The following MAPK10 variants were observed in gnomAD, a reference collection of about 807,000 sequenced individuals.
MAPK10 encodes JNK3 alpha protein kinase.
In MAPK10, 25 loss-of-function variants were observed where a neutral mutation model predicts 59.3. The observed-to-expected ratio is 0.42, with a 90% CI of 0.31 to 0.59. MAPK10 has a LOEUF of 0.59. Ranked by LOEUF, MAPK10 falls within the 20% of genes least tolerant of loss-of-function variation. The pLI is 0.15. For missense variants in MAPK10, 351 were observed against 568.9 expected, an observed-to-expected ratio of 0.62 and a Z score of 3.90; for synonymous variants, 190 against 200.5, an observed-to-expected ratio of 0.95 and a Z score of 0.44.
At chr4:86,454,064 G>A (rs544572538), upstream of MAPK10, among the ~76,000 whole-genome samples, 6 of 152,184 alleles carry the variant, frequency 3.9e-5, no homozygotes, top group East Asian at 9.7e-4. Flanking sequence ...AGGAAAAGAG[G>A]GACAGTACTA....
At chr4:86,380,062 C>T (rs1477876499) in intron 1 of MAPK10, among the ~76,000 whole-genome samples, 1 of 151,926 alleles carries the variant, frequency 6.6e-6, no homozygotes, top group African/African-American at 2.4e-5. Context: ...CATGGTGAAA[C>T]CCCCTCTAAA....
intron 2 of MAPK10, among the ~76,000 whole-genome samples, chr4:86,265,166 T>C (rs949991133): frequency 1.3e-5 from 2 of 152,032 alleles, no homozygotes; most frequent in Non-Finnish European, 2.9e-5. Context: ...CTGGAATTTA[T>C]ATGGGGATCC....
At chr4:86,330,169 G>A (rs1430066559) in intron 2 of MAPK10, among the ~76,000 whole-genome samples, 1 of 152,150 alleles carries the variant, frequency 6.6e-6, no homozygotes, top group Non-Finnish European at 1.5e-5. Flanking sequence ...CTTTCCATTG[G>A]AACTAATTTA....
At chr4:86,146,646 C>T (rs1307932731) in intron 4 of MAPK10, among the ~76,000 whole-genome samples, 1 of 152,212 alleles carries the variant, frequency 6.6e-6, no homozygotes, top group Non-Finnish European at 1.5e-5. Context: ...TTACACGTTA[C>T]AAGATGAATA....
chr4:86,048,615 CA>C (rs1447473069), intron 11 of MAPK10, among the ~76,000 whole-genome samples: 2 of 151,946 alleles, frequency 1.3e-5, no homozygotes, highest in Non-Finnish European at 2.9e-5. Context: ...ACATAAGTAA[CA>C]TGAATCAATA....
chr4:86,238,149 G>T (rs977888917), intron 2 of MAPK10, among the ~76,000 whole-genome samples: 3 of 152,114 alleles, frequency 2.0e-5, no homozygotes, highest in African/African-American at 4.8e-5. Flanking sequence ...AAGATCAGAT[G>T]GTTGTAGGTG....
intron 3 of MAPK10, among the ~76,000 whole-genome samples, chr4:86,167,852 A>C (rs530120452): frequency 1.5e-3 from 235 of 152,308 alleles, no homozygotes; most frequent in Middle Eastern, 3.4e-3. Context: ...ACTCCTATTA[A>C]ACATAGCAAT....
intron 2 of MAPK10, among the ~76,000 whole-genome samples, chr4:86,204,261 T>G (rs939946821): frequency 1.3e-5 from 2 of 151,952 alleles, no homozygotes; most frequent in Non-Finnish European, 2.9e-5. Context: ...CAACCATAAG[T>G]ATATAAATGC....
chr4:86,158,018 A>G (rs2068361097), intron 4 of MAPK10, among the ~76,000 whole-genome samples: 1 of 151,982 alleles, frequency 6.6e-6, no homozygotes, highest in Admixed American at 6.6e-5. Context: ...AAAGGTAGCC[A>G]GAAACTACTC....
intron 3 of MAPK10, among the ~76,000 whole-genome samples, chr4:86,163,581 G>C (rs1273264636): frequency 6.6e-6 from 1 of 152,088 alleles, no homozygotes; most frequent in East Asian, 1.9e-4. Flanking sequence ...CCAATACTTG[G>C]TCTACAGCAG....
chr4:86,057,988 C>A (rs1350494915), intron 11 of MAPK10, among the ~76,000 whole-genome samples: 1 of 149,728 alleles, frequency 6.7e-6, no homozygotes, highest in African/African-American at 2.5e-5. Context: ...CTACAACCAA[C>A]AATCGAAAGA....
intron 1 of MAPK10, among the ~76,000 whole-genome samples, chr4:86,511,622 G>A (rs1756255773): frequency 6.6e-6 from 1 of 150,924 alleles, no homozygotes; most frequent in Non-Finnish European, 1.5e-5. Flanking sequence ...GAAGGAGGAA[G>A]AGGAAAGAAG....
chr4:86,025,410 C>G (rs1749671942), intron 13 of MAPK10: 1 of 396,902 alleles, frequency 2.5e-6, no homozygotes. Context: ...AGTTCTAAAC[C>G]ATAAACCCAA....
intron 1 of MAPK10, among the ~76,000 whole-genome samples, chr4:86,438,659 C>A (rs192733199): frequency 6.9e-6 from 1 of 145,476 alleles, no homozygotes; most frequent in East Asian, 2.0e-4. Flanking sequence ...CTTTGCACTG[C>A]AGCCTGGGTG....
At chr4:86,215,624 A>G (rs1468408646) in intron 2 of MAPK10, among the ~76,000 whole-genome samples, 2 of 152,206 alleles carry the variant, frequency 1.3e-5, no homozygotes, top group African/African-American at 2.4e-5. Flanking sequence ...CACTTTTGGG[A>G]GACCAAGGCA....
At chr4:86,210,155 C>A (rs1377113876) in intron 2 of MAPK10, among the ~76,000 whole-genome samples, 2 of 152,038 alleles carry the variant, frequency 1.3e-5, no homozygotes, top group East Asian at 1.9e-4. Flanking sequence ...AAATGTAAGA[C>A]CTCAAACTAT....
At chr4:86,311,803 G>A (rs2095674709) in intron 2 of MAPK10, among the ~76,000 whole-genome samples, 1 of 152,070 alleles carries the variant, frequency 6.6e-6, no homozygotes, top group African/African-American at 2.4e-5. Context: ...GAAGTGTGAA[G>A]ACACTGTCTG....
chr4:86,037,420 T>C (rs2040545231), intron 11 of MAPK10, among the ~76,000 whole-genome samples: 2 of 151,842 alleles, frequency 1.3e-5, no homozygotes, highest in South Asian at 2.1e-4. Flanking sequence ...CTCGGGAGGC[T>C]GAGGCAGGAG....
intron 2 of MAPK10, among the ~76,000 whole-genome samples, chr4:86,273,480 C>A (rs1034233388): frequency 6.6e-6 from 1 of 151,890 alleles, no homozygotes; most frequent in Non-Finnish European, 1.5e-5. Flanking sequence ...TTAGGAGAAA[C>A]CAGTACAAAA....
Sources: allele counts gnomAD v4.1 joint callset (sites outside exome capture counted in the v4.1 genomes callset), GRCh38; gene constraint gnomAD v4.1.1; transcripts MANE v1.5; gene names NCBI Gene and HGNC (gene_info 2026-07-23, HGNC 2026-07-21).